The following ANKS1B variants were observed in gnomAD, a reference collection of about 807,000 sequenced individuals.
ANKS1B encodes the protein ankyrin repeat and sterile alpha motif domain-containing protein 1B.
ANKS1B carries 36 observed loss-of-function variants against 148.3 expected under a neutral mutation model. The ratio of observed to expected loss-of-function variants is 0.24; its 90% CI spans 0.19 to 0.32. The LOEUF is 0.32. Among genes scored for constraint, ANKS1B ranks in the 10% least tolerant of loss-of-function variants. The probability of loss-of-function intolerance (pLI) is 1.00; values close to 1 mark genes in which losing one functional copy is unlikely to be tolerated. For synonymous variants in ANKS1B, 542 were observed against 560.8 expected, an observed-to-expected ratio of 0.97 and a Z score of 0.47; for missense variants, 1,157 against 1,542.6, an observed-to-expected ratio of 0.75 and a Z score of 4.19.
intron 1 of ANKS1B, among the ~76,000 whole-genome samples, chr12:99,916,597 A>C (rs2094178846): frequency 6.6e-6 from 1 of 152,232 alleles, no homozygotes; most frequent in African/African-American, 2.4e-5. Flanking sequence ...TATAATAGAA[A>C]GGGACAAAGA....
rs138182412 is a variant in ANKS1B, at chr12:98,867,050, T to C, written c.2779-34914A>G. Among the ~76,000 whole-genome samples, 1,084 of 152,330 alleles carry C rather than the reference T, an allele frequency of 7.1e-3. 13 individuals carry two copies. Among genetic ancestry groups the C allele is most frequent in the Non-Finnish European group, 9.6e-3 (653 of 68,036 alleles). On this transcript the variant is annotated intron_variant, in intron 17 of 26. Transcript: ENST00000683438. The stretch of plus-strand genomic sequence containing the variant: ...TGTGGAAAGGTGAGGATTATATAGA[T>C]GCATAAATAGGGAAAAACTATATGC...
intron 17 of ANKS1B, among the ~76,000 whole-genome samples, chr12:98,913,922 C>A (rs74239097): frequency 2.0e-5 from 3 of 152,164 alleles, no homozygotes; most frequent in African/African-American, 4.8e-5. Flanking sequence ...CAAACCTGCT[C>A]TTCTTAGCAG....
At chr12:99,109,370 G>A (rs945271231) in intron 15 of ANKS1B, among the ~76,000 whole-genome samples, 5 of 152,126 alleles carry the variant, frequency 3.3e-5, no homozygotes, top group Non-Finnish European at 5.9e-5. Flanking sequence ...CTTTCATTAC[G>A]TGCCAGGCCC....
At chr12:99,697,204 T>A (rs1176419737) in intron 8 of ANKS1B, among the ~76,000 whole-genome samples, 1 of 152,192 alleles carries the variant, frequency 6.6e-6, no homozygotes, top group Non-Finnish European at 1.5e-5. Context: ...TCCTACCATG[T>A]GGTCTAGTCA....
chr12:99,059,199 T>C (rs1445710291), intron 16 of ANKS1B, among the ~76,000 whole-genome samples: 1 of 152,212 alleles, frequency 6.6e-6, no homozygotes, highest in East Asian at 1.9e-4. Context: ...CTTTCAATAA[T>C]AGAGAAGTGA....
intron 12 of ANKS1B, among the ~76,000 whole-genome samples, chr12:99,379,326 A>G (rs2093539023): frequency 6.6e-6 from 1 of 152,240 alleles, no homozygotes; most frequent in African/African-American, 2.4e-5. Flanking sequence ...GGATGGAATC[A>G]AATCATGGCT....
At chr12:99,878,417 A>C (rs1031323299) in intron 1 of ANKS1B, among the ~76,000 whole-genome samples, 6 of 152,236 alleles carry the variant, frequency 3.9e-5, no homozygotes, top group African/African-American at 1.2e-4. Context: ...ATATGAGATA[A>C]CATTACAATG....
chr12:99,647,469 G>C (rs936980008), intron 9 of ANKS1B, among the ~76,000 whole-genome samples: 1 of 152,204 alleles, frequency 6.6e-6, no homozygotes, highest in African/African-American at 2.4e-5. Flanking sequence ...GGATAAATGA[G>C]TATACAGAGA....
At chr12:99,941,190 C>T (rs550629642) in intron 1 of ANKS1B, among the ~76,000 whole-genome samples, 102 of 151,976 alleles carry the variant, frequency 6.7e-4, no homozygotes, top group Non-Finnish European at 6.5e-4. Flanking sequence ...AAGACAGGGA[C>T]ATGAAGAACA....
At chr12:99,309,109 T>A (rs1312373372) in intron 12 of ANKS1B, among the ~76,000 whole-genome samples, 3 of 151,764 alleles carry the variant, frequency 2.0e-5, no homozygotes, top group Non-Finnish European at 2.9e-5. Context: ...GGTTGCAACC[T>A]TGTAAATCCC....
chr12:99,401,809 T>C lies in ANKS1B; in HGVS notation c.1576-1998A>G, dbSNP rs1217247446. On this transcript the variant is annotated intron_variant, in intron 11 of 26. Transcript: ENST00000683438. ...CATAGCAGTAAGGGTGATGAAAAAT[T>C]AGAAGCATTATACTTAGTCATGCCC... Among the ~76,000 whole-genome samples, 2 of 146,580 alleles carry C rather than the reference T, an allele frequency of 1.4e-5. 1 individual carries two copies. Among genetic ancestry groups the C allele is most frequent in the African/African-American group, 5.2e-5 (2 of 38,754 alleles).
chr12:98,980,223 C>T (rs549273437), intron 17 of ANKS1B, among the ~76,000 whole-genome samples: 116 of 152,076 alleles, frequency 7.6e-4, no homozygotes, highest in Admixed American at 1.6e-3. Flanking sequence ...TGTTTTGAGA[C>T]GGAGTCTCGC....
rs571025761 is a variant in ANKS1B at position 99,464,912 on chromosome 12, C to T, written c.1439-21103G>A. ...AACTTCCCCAATCTAGCAAGGCAGG[C>T]CAACATTCAGATTCAGGAAATACAG... On this transcript the variant is annotated intron_variant, in intron 10 of 26. Transcript: ENST00000683438. Among the ~76,000 whole-genome samples the T allele has an allele frequency of 4.6e-5, 7 of 152,160 alleles. No homozygotes were observed. The East Asian group carries it at 1.4e-3, about 29-fold the overall frequency.
At chr12:98,990,488 G>A (rs1344872345) in intron 17 of ANKS1B, among the ~76,000 whole-genome samples, 36 of 151,138 alleles carry the variant, frequency 2.4e-4, no homozygotes, top group Admixed American at 2.4e-3. Context: ...GCATTAGGGT[G>A]TAGTATGGCC....
At chr12:99,514,299 G>A (rs2096794580) in intron 9 of ANKS1B, among the ~76,000 whole-genome samples, 1 of 151,952 alleles carries the variant, frequency 6.6e-6, no homozygotes, top group Admixed American at 6.6e-5. Context: ...AAGCACCATA[G>A]GGGCAAGAAC....
At chr12:98,778,029 T>A (rs1160524058) in intron 24 of ANKS1B, among the ~76,000 whole-genome samples, 1 of 152,158 alleles carries the variant, frequency 6.6e-6, no homozygotes, top group East Asian at 1.9e-4. Flanking sequence ...ACAGGCTGTG[T>A]GACTGCAGGG....
intron 1 of ANKS1B, among the ~76,000 whole-genome samples, chr12:99,859,287 G>T (rs1603370194): frequency 6.6e-6 from 1 of 152,304 alleles, no homozygotes; most frequent in East Asian, 1.9e-4. Context: ...TAACAGTGAA[G>T]AACTCTTGCA....
chr12:99,497,904 T>C (rs568707134), intron 10 of ANKS1B, among the ~76,000 whole-genome samples: 1 of 152,206 alleles, frequency 6.6e-6, no homozygotes, highest in African/African-American at 2.4e-5. Flanking sequence ...AGTTCTTGTA[T>C]AGAGTAGTAA....
chr12:99,824,607 AT>A (rs1198723759), intron 2 of ANKS1B, among the ~76,000 whole-genome samples: 1 of 151,892 alleles, frequency 6.6e-6, no homozygotes, highest in Admixed American at 6.6e-5. Context: ...GAAGAGGGTC[AT>A]TTTTTTTCTG....
Sources: gnomAD v4.1 joint callset for allele counts (sites outside exome capture counted in the v4.1 genomes callset) on GRCh38, gnomAD v4.1.1 for gene constraint, MANE v1.5 for transcripts, NCBI Gene and HGNC (gene_info 2026-07-23, HGNC 2026-07-21) for gene names.